Variants in CSMD1 observed in about 807,000 individuals in gnomAD.
CSMD1 encodes CUB and sushi domain-containing protein 1.
In CSMD1, 213 loss-of-function variants were observed where a neutral mutation model predicts 417.5. The observed-to-expected ratio is 0.51, with a 90% CI of 0.46 to 0.57. The LOEUF is 0.57. CSMD1 is among the 20% of genes least tolerant of loss of function. The pLI, the probability that CSMD1 is intolerant of heterozygous loss-of-function variation, is 0.00. For synonymous variants in CSMD1, 2,862 were observed against 1,736.8 expected (o/e 1.65, Z -16.11); for missense variants, 6,923 against 4,529.7 (o/e 1.53, Z -15.17).
chr8:4,444,533 A>G (rs911208102), intron 2 of CSMD1, among the ~76,000 whole-genome samples: 14 of 152,052 alleles, frequency 9.2e-5, no homozygotes, highest in African/African-American at 3.1e-4. Context: ...CACGGAGAAC[A>G]ATAATGTCCA....
intron 3 of CSMD1, among the ~76,000 whole-genome samples, chr8:4,057,854 C>T (rs1247967578): frequency 6.6e-6 from 1 of 152,142 alleles, no homozygotes; most frequent in East Asian, 1.9e-4. Context: ...AGATATGCAG[C>T]ATTATTTCTG....
In CSMD1 at chr8:3,399,650, A is replaced by G. The variant is rs1001343141; in HGVS notation, c.2267-121T>C. On this transcript the variant is annotated intron_variant, in intron 15 of 69. Transcript: ENST00000635120. ...ATAGACTGAATATTTTCAAGTATCA[A>G]AGCAAATCTTATTCCCAAGGAAACT... 2.1e-5 allele frequency: 15 copies of G among 707,602 alleles called. No homozygotes were observed. The Admixed American group carries it at 3.7e-4, about 17-fold the overall frequency. 43.8% of individuals were successfully genotyped at this position (707,602 alleles called of 1,614,324 possible).
At position 3,230,231 on chromosome 8, in the gene CSMD1, G is replaced by T; in HGVS notation, c.4154C>A (p.Thr1385Asn). The T allele has an allele frequency of 6.4e-7, 1 of 1,570,268 alleles. No homozygotes were observed. Reference sequence around the variant, plus strand: ...ATCGTTACAGGTGGCTGCAATTGAGGCTGCAAACAAAAGAGAAGGCAAGGT... The same window carrying T: ...ATCGTTACAGGTGGCTGCAATTGAGTCTGCAAACAAAAGAGAAGGCAAGGT... ...SKSGFSIQFS[T>N]SIAATCNDPG... The change falls in exon 27 of 70, where the codon ACC becomes AAC. Residue 1385 changes from threonine to asparagine, a missense_variant and splice_region_variant. Coordinates refer to ENST00000635120, the MANE Select transcript of CSMD1 (RefSeq NM_033225.6).
At chr8:4,133,307 C>G (rs1432239422) in intron 3 of CSMD1, among the ~76,000 whole-genome samples, 2 of 152,184 alleles carry the variant, frequency 1.3e-5, no homozygotes, top group Admixed American at 6.5e-5. Context: ...TAAGTTTATA[C>G]TGGAATGAGG....
intron 26 of CSMD1, among the ~76,000 whole-genome samples, chr8:3,245,408 C>A (rs951145155): frequency 6.6e-6 from 1 of 152,228 alleles, no homozygotes; most frequent in Non-Finnish European, 1.5e-5. Flanking sequence ...TTCCCCCTCT[C>A]TTTCTTAGAG....
intron 8 of CSMD1, among the ~76,000 whole-genome samples, chr8:3,593,118 A>G (rs981884517): frequency 3.3e-5 from 5 of 152,218 alleles, no homozygotes; most frequent in Non-Finnish European, 7.3e-5. Context: ...CTACCGCCAG[A>G]ACTTGTCACT....
intron 12 of CSMD1, among the ~76,000 whole-genome samples, chr8:3,421,684 C>G (rs1354738699): frequency 6.6e-6 from 1 of 152,212 alleles, no homozygotes; most frequent in African/African-American, 2.4e-5. Context: ...GTTGCCCAGA[C>G]TGCAGTGCAC....
Position 3,435,105 on chromosome 8 carries a change from A to G in CSMD1, c.1562-25500T>C, listed in dbSNP as rs149763103. Among the ~76,000 whole-genome samples the G allele has an allele frequency of 4.1e-3, 630 of 152,182 alleles. 3 individuals are homozygous for G. The highest frequency in any genetic ancestry group is 0.023 in the South Asian group (112 of 4,814). On this transcript the variant is annotated intron_variant, in intron 12 of 69. Coordinates refer to ENST00000635120, the MANE Select transcript of CSMD1 (RefSeq NM_033225.6). Reference sequence around the variant, plus strand: ...CAATCCATGGAAGAGAGACGGAGAGACAGCACACCCCTACTTCACTCACTC... The same window carrying G: ...CAATCCATGGAAGAGAGACGGAGAGGCAGCACACCCCTACTTCACTCACTC...
chr8:4,975,314 A>G (rs1484204865), intron 1 of CSMD1, among the ~76,000 whole-genome samples: 2 of 152,254 alleles, frequency 1.3e-5, no homozygotes, highest in Non-Finnish European at 2.9e-5. Flanking sequence ...GAGACTGTAG[A>G]TTATTGAGTT....
In CSMD1 at chr8:4,979,510, A is replaced by G. The variant is rs182142353; in HGVS notation, c.85+14822T>C. On this transcript the variant is annotated intron_variant, in intron 1 of 69. Coordinates refer to ENST00000635120, the MANE Select transcript of CSMD1 (RefSeq NM_033225.6). ...GTGAAAGCTAAGGGAAATTATTTCTATCATAAGATACTCACTGTCTACCTA... is the reference window on the plus strand; with the variant it reads ...GTGAAAGCTAAGGGAAATTATTTCTGTCATAAGATACTCACTGTCTACCTA... 3.1e-3 allele frequency among the ~76,000 whole-genome samples: 467 copies of G among 152,320 alleles called. 3 individuals are homozygous for G. The highest frequency in any genetic ancestry group is 0.01 in the African/African-American group (430 of 41,576).
In CSMD1 at chr8:4,719,165, GA is replaced by G. The variant is rs771857218; in HGVS notation, c.86-81608del. 2.3e-4 allele frequency among the ~76,000 whole-genome samples: 35 copies of G among 152,188 alleles called. No individual in the cohort carries two copies. In the East Asian group the frequency reaches 3.1e-3, roughly 13 times the overall value. ...AATGATGGCCTGGAGAAAGGCAGGT[GA>G]AAAAAAGACTACACAGCTAGAGAAA... On this transcript the variant is annotated intron_variant, in intron 1 of 69. Transcript: ENST00000635120.
intron 1 of CSMD1, among the ~76,000 whole-genome samples, chr8:4,917,272 A>G (rs1806127366): frequency 6.6e-6 from 1 of 152,176 alleles, no homozygotes; most frequent in African/African-American, 2.4e-5. Context: ...CTAAACCATT[A>G]AAAACCACCC....
chr8:4,412,538 C>T (rs1366313362), intron 3 of CSMD1, among the ~76,000 whole-genome samples: 1 of 152,138 alleles, frequency 6.6e-6, no homozygotes, highest in Non-Finnish European at 1.5e-5. Context: ...GAAAATTACC[C>T]AGTCTCCGGT....
chr8:4,186,280 A>G (rs764402322), intron 3 of CSMD1, among the ~76,000 whole-genome samples: 11 of 152,050 alleles, frequency 7.2e-5, no homozygotes, highest in African/African-American at 2.4e-4. Context: ...ATTACAAGAG[A>G]AGGAGGCCCG....
intron 66 of CSMD1, 63 bp from the exon 67 acceptor site, chr8:2,950,406 C>T (rs945052939): frequency 1.1e-6 from 1 of 940,940 alleles, no homozygotes; most frequent in Non-Finnish European, 1.8e-6. Context: ...CCCTTTAATC[C>T]ATTTGATGTG....
intron 1 of CSMD1, among the ~76,000 whole-genome samples, chr8:4,734,937 C>T (rs550234863): frequency 6.6e-6 from 1 of 152,186 alleles, no homozygotes; most frequent in Non-Finnish European, 1.5e-5. Context: ...CTTTAGCAAA[C>T]TACTCGTTAT....
At chr8:3,786,556 G>A (rs917472445) in intron 5 of CSMD1, among the ~76,000 whole-genome samples, 10 of 152,140 alleles carry the variant, frequency 6.6e-5, no homozygotes, top group African/African-American at 2.2e-4. Context: ...TGCAGACTGA[G>A]GACTTTACAA....
chr8:4,313,525 C>T (rs975887342), intron 3 of CSMD1, among the ~76,000 whole-genome samples: 13 of 129,926 alleles, frequency 1.0e-4, no homozygotes, highest in African/African-American at 2.9e-4. Context: ...AAAAAAAAAT[C>T]ACGCGTAGGT....
chr8:4,712,671 C>T (rs1364603608), intron 1 of CSMD1, among the ~76,000 whole-genome samples: 1 of 152,172 alleles, frequency 6.6e-6, no homozygotes, highest in Non-Finnish European at 1.5e-5. Context: ...AACTAGTAAA[C>T]ATTTCACAAA....
Sources: gnomAD v4.1 joint callset for allele counts (sites outside exome capture counted in the v4.1 genomes callset) on GRCh38, gnomAD v4.1.1 for gene constraint, MANE v1.5 for transcripts, NCBI Gene and HGNC (gene_info 2026-07-23, HGNC 2026-07-21) for gene names.